The following ADK variants were observed in gnomAD, a reference collection of about 807,000 sequenced individuals.
The protein encoded by ADK is adenosine kinase.
ADK carries 24 observed loss-of-function variants against 44.7 expected under a neutral mutation model. That is an observed-to-expected ratio of 0.54 (90% CI 0.39 to 0.76). The LOEUF is 0.76. ADK is among the 30% of genes least tolerant of loss of function. The probability of loss-of-function intolerance (pLI) is 0.00; values close to 1 mark genes in which losing one functional copy is unlikely to be tolerated. For synonymous variants in ADK, 128 were observed against 142.6 expected, an observed-to-expected ratio of 0.90 and a Z score of 0.73; for missense variants, 321 against 425.1, an observed-to-expected ratio of 0.76 and a Z score of 2.15.
intron 10 of ADK, among the ~76,000 whole-genome samples, chr10:74,702,573 T>TTCCTTC (rs1554900283): frequency 1.7e-4 from 24 of 142,422 alleles, no homozygotes; most frequent in Admixed American, 5.7e-4. Context: ...CCTTCCTTCC[T>TTCCTTC]CTCTCTCTCT....
chr10:74,215,024 C>A (rs1054069609), intron 2 of ADK, among the ~76,000 whole-genome samples: 2 of 151,972 alleles, frequency 1.3e-5, no homozygotes, highest in East Asian at 1.9e-4. Context: ...CTCAGTTGTT[C>A]TCTTTGTAGG....
chr10:74,235,152 T>C (rs1844912683), intron 3 of ADK, among the ~76,000 whole-genome samples: 1 of 147,072 alleles, frequency 6.8e-6, no homozygotes, highest in South Asian at 2.1e-4. Context: ...TTTCTGAAAC[T>C]TTCCGGTTTG....
At chr10:74,517,518 G>C (rs1848636665) in intron 6 of ADK, among the ~76,000 whole-genome samples, 1 of 151,866 alleles carries the variant, frequency 6.6e-6, no homozygotes. Flanking sequence ...ACAAAATCCT[G>C]TTTCTACTAA....
At chr10:74,168,651 C>T (rs1291377809) in intron 1 of ADK, among the ~76,000 whole-genome samples, 9 of 151,416 alleles carry the variant, frequency 5.9e-5, no homozygotes, top group Non-Finnish European at 1.2e-4. Context: ...CTCTCTGTGT[C>T]GCCCAGGCTG....
intron 6 of ADK, among the ~76,000 whole-genome samples, chr10:74,446,473 G>A (rs1185853725): frequency 2.0e-5 from 3 of 152,164 alleles, no homozygotes; most frequent in African/African-American, 7.2e-5. Flanking sequence ...CGATAGGAAA[G>A]AAGATAGGAT....
At chr10:74,265,306 C>G (rs924740413) in intron 3 of ADK, among the ~76,000 whole-genome samples, 2 of 151,676 alleles carry the variant, frequency 1.3e-5, no homozygotes, top group African/African-American at 4.8e-5. Flanking sequence ...ACCTCTGCTT[C>G]CTGGGTTCAA....
intron 7 of ADK, among the ~76,000 whole-genome samples, chr10:74,548,990 T>C (rs2133769153): frequency 6.6e-6 from 1 of 152,328 alleles, no homozygotes; most frequent in East Asian, 1.9e-4. Context: ...ATGTGCCACA[T>C]GCACAGGATA....
chr10:74,284,054 G>A (rs191802098), intron 3 of ADK, among the ~76,000 whole-genome samples: 12 of 152,184 alleles, frequency 7.9e-5, no homozygotes, highest in East Asian at 3.9e-4. Context: ...CGCCTCCTGC[G>A]TTCAAGAGAT....
chr10:74,245,361 T>C (rs536425551), intron 3 of ADK, among the ~76,000 whole-genome samples: 16 of 152,148 alleles, frequency 1.1e-4, no homozygotes, highest in Non-Finnish European at 2.2e-4. Flanking sequence ...TTTGAACTTG[T>C]TTCATAGCAT....
At chr10:74,335,437 A>G (rs1438671452) in intron 4 of ADK, among the ~76,000 whole-genome samples, 1 of 152,132 alleles carries the variant, frequency 6.6e-6, no homozygotes, top group Non-Finnish European at 1.5e-5. Flanking sequence ...CTTTGTCAAT[A>G]GTTTTTAAAT....
At chr10:74,222,332 A>G (rs1279962941) in intron 2 of ADK, among the ~76,000 whole-genome samples, 2 of 152,088 alleles carry the variant, frequency 1.3e-5, no homozygotes, top group African/African-American at 4.8e-5. Flanking sequence ...CACCAGTTAG[A>G]ATGGCAATCA....
chr10:74,622,279 C>T (rs1341402710), intron 9 of ADK, among the ~76,000 whole-genome samples: 8 of 152,158 alleles, frequency 5.3e-5, no homozygotes, highest in Non-Finnish European at 1.0e-4. Context: ...AGATTCTCAG[C>T]CTCTTACCCG....
Position 74,567,708 on chromosome 10 carries a change from T to G in ADK, c.727-21574T>G, listed in dbSNP as rs193032348. 1.5e-3 allele frequency among the ~76,000 whole-genome samples: 223 copies of G among 145,474 alleles called. 3 individuals are homozygous for G. Among genetic ancestry groups the G allele is most frequent in the Middle Eastern group, 0.011 (3 of 284 alleles). ...TTTTTTTGTTTTTTTTGTTTTTTTT[T>G]TTTTTTTTGAGATGGAGTCTCGCTC... On this transcript the variant is annotated intron_variant, in intron 7 of 10. Coordinates refer to ENST00000539909, the MANE Select transcript of ADK (RefSeq NM_006721.4).
At chr10:74,404,090 T>G (rs1175253273) in intron 6 of ADK, among the ~76,000 whole-genome samples, 1 of 151,602 alleles carries the variant, frequency 6.6e-6, no homozygotes, top group Non-Finnish European at 1.5e-5. Context: ...GCCAGGATGG[T>G]CTCGATCTCC....
chr10:74,356,014 T>TTGG, intron 4 of ADK, among the ~76,000 whole-genome samples: 1 of 128,214 alleles, frequency 7.8e-6, no homozygotes, highest in Non-Finnish European at 1.7e-5. Context: ...TTTTTTTTTT[T>TTGG]TTTTTTTTTT....
At chr10:74,642,359 AT>A (rs59316334) in intron 9 of ADK, among the ~76,000 whole-genome samples, 8,082 of 134,026 alleles carry the variant, frequency 0.06, 268 homozygotes, top group African/African-American at 0.12. Context: ...GATGCACTCA[AT>A]TTTTTTTTTT....
At chr10:74,357,224 G>T (rs1030656529) in intron 4 of ADK, among the ~76,000 whole-genome samples, 3 of 152,108 alleles carry the variant, frequency 2.0e-5, no homozygotes, top group South Asian at 2.1e-4. Context: ...TTATGTCATT[G>T]TGTGTGTGTG....
intron 6 of ADK, among the ~76,000 whole-genome samples, chr10:74,497,102 G>T (rs896230905): frequency 1.3e-5 from 2 of 151,960 alleles, no homozygotes; most frequent in African/African-American, 2.4e-5. Flanking sequence ...GACTACGGGC[G>T]CCACCTTGCC....
At chr10:74,282,500 T>G (rs1846980067) in intron 3 of ADK, among the ~76,000 whole-genome samples, 1 of 152,188 alleles carries the variant, frequency 6.6e-6, no homozygotes, top group Non-Finnish European at 1.5e-5. Flanking sequence ...CGAATAGCCA[T>G]AAAATATAAT....
Sources: gnomAD v4.1 joint callset for allele counts (sites outside exome capture counted in the v4.1 genomes callset) on GRCh38, gnomAD v4.1.1 for gene constraint, MANE v1.5 for transcripts, NCBI Gene and HGNC (gene_info 2026-07-23, HGNC 2026-07-21) for gene names.